Variants in WNT3 observed in about 807,000 individuals in gnomAD.
The protein encoded by WNT3 is proto-oncogene Wnt-3.
WNT3 carries 7 observed loss-of-function variants against 34.2 expected under a neutral mutation model. The ratio of observed to expected loss-of-function variants is 0.20; its 90% CI spans 0.12 to 0.38. The LOEUF (loss-of-function observed/expected upper bound fraction) is 0.38. Ranked by LOEUF, WNT3 falls within the 10% of genes least tolerant of loss-of-function variation. The pLI, the probability that WNT3 is intolerant of heterozygous loss-of-function variation, is 1.00. For synonymous variants in WNT3, 212 were observed against 211.5 expected (o/e 1.00, Z -0.02); for missense variants, 267 against 499.8 (o/e 0.53, Z 4.44).
chr17:46,779,550 G>C (rs138857200), intron 1 of WNT3, among the ~76,000 whole-genome samples: 1 of 152,324 alleles, frequency 6.6e-6, no homozygotes, highest in African/African-American at 2.4e-5. Flanking sequence ...GATGGGCTGC[G>C]GGTGCCCTGC....
rs1304113667 is a variant in WNT3 at position 46,768,077 on chromosome 17, C to T, written c.*8+235G>A. ...TGCTGGGATTACAGGCGTGAGCCAC[C>T]GCACCCGGCCAACACTGGGTTTTTA... On this transcript the variant is annotated intron_variant, in intron 4 of 4. Coordinates refer to ENST00000225512, the MANE Select transcript of WNT3 (RefSeq NM_030753.5). This position sits in a 1 kb window ranked among gnomAD's most constrained non-coding sequence, Gnocchi z 5.0. 6.6e-6 allele frequency among the ~76,000 whole-genome samples: 1 copy of T among 152,194 alleles called. No individual in the cohort carries two copies. Among genetic ancestry groups the T allele is most frequent in the Non-Finnish European group, 1.5e-5 (1 of 68,036 alleles).
chr17:46,792,984 G>A (rs1405443292), intron 1 of WNT3, among the ~76,000 whole-genome samples: 1 of 152,020 alleles, frequency 6.6e-6, no homozygotes, highest in African/African-American at 2.4e-5. Context: ...AGCAGTGAGG[G>A]CTGAGGGAGG....
At chr17:46,794,746 CTT>C (rs1349902566) in intron 1 of WNT3, among the ~76,000 whole-genome samples, 44 of 133,580 alleles carry the variant, frequency 3.3e-4, no homozygotes, top group African/African-American at 1.3e-3. Flanking sequence ...TTCTTTCTTT[CTT>C]TTTCTTTTTT....
intron 2 of WNT3, among the ~76,000 whole-genome samples, chr17:46,771,882 G>T (rs1183404124): frequency 7.2e-6 from 1 of 138,078 alleles, no homozygotes; most frequent in Non-Finnish European, 1.6e-5. Context: ...TCCGGCGCCC[G>T]CCCCCGCCCC....
intron 1 of WNT3, among the ~76,000 whole-genome samples, chr17:46,812,036 A>G (rs773655998): frequency 3.3e-5 from 5 of 152,058 alleles, no homozygotes; most frequent in Non-Finnish European, 2.9e-5. Context: ...CAGGGAGGAG[A>G]CCCAGTGCTC....
At chr17:46,778,799 C>T (rs904226800) in intron 1 of WNT3, among the ~76,000 whole-genome samples, 5 of 152,050 alleles carry the variant, frequency 3.3e-5, no homozygotes, top group East Asian at 1.9e-4. Flanking sequence ...CTCCACTGCC[C>T]GGCCCCCGGC....
At chr17:46,792,942 C>G (rs2084005511) in intron 1 of WNT3, among the ~76,000 whole-genome samples, 1 of 151,692 alleles carries the variant, frequency 6.6e-6, no homozygotes, top group African/African-American at 2.4e-5. Context: ...AGTCACATAG[C>G]TAGGAAATGG....
Position 46,768,705 on chromosome 17 carries a change from C to A in WNT3, c.683G>T (p.Arg228Leu). 6.2e-7 allele frequency: 1 copy of A among 1,614,106 alleles called. No homozygotes were observed. Among genetic ancestry groups the A allele is most frequent in the Non-Finnish European group, 8.5e-7 (1 of 1,180,038 alleles). The change falls in exon 4 of 5, where the codon CGT becomes CTT. Residue 228 changes from arginine (R) to leucine (L), a missense_variant. Arg to Leu is a moderately radical substitution (Grantham distance 102). Coordinates refer to ENST00000225512, the MANE Select transcript of WNT3 (RefSeq NM_030753.5). The surrounding 1 kb of genome is among the most constrained non-coding windows in gnomAD (Gnocchi z 5.0). ...KTCWWAQPDF[R>L]AIGDFLKDKY... Reference sequence around the variant, plus strand: ...GTCCTTGAGGAAGTCACCGATGGCACGGAAGTCAGGCTGCGCCCACCAGCA... The same window carrying A: ...GTCCTTGAGGAAGTCACCGATGGCAAGGAAGTCAGGCTGCGCCCACCAGCA...
Sources: allele counts gnomAD v4.1 joint callset (sites outside exome capture counted in the v4.1 genomes callset), GRCh38; gene constraint gnomAD v4.1.1; non-coding constraint Gnocchi (gnomAD v3.1); transcripts MANE v1.5; gene names NCBI Gene and HGNC (gene_info 2026-07-23, HGNC 2026-07-21).